TAFA4: variants seen among roughly 807,000 people sequenced by gnomAD.
The protein encoded by TAFA4 is chemokine-like protein TAFA-4.
In TAFA4, 20 loss-of-function variants were observed where a neutral mutation model predicts 21.1. The observed-to-expected ratio is 0.95, with a 90% confidence interval of 0.67 to 1.38. The LOEUF is 1.38. Among genes scored for constraint, TAFA4 ranks in the 40% most tolerant of loss-of-function variants. The probability of loss-of-function intolerance (pLI) is 0.00; values close to 1 mark genes in which losing one functional copy is unlikely to be tolerated. For synonymous variants in TAFA4, 71 were observed against 67.4 expected (o/e 1.05, Z -0.26); for missense variants, 211 against 180.9 (o/e 1.17, Z -0.95).
At chr3:68,928,999 AG>A (rs962468548) in intron 1 of TAFA4, among the ~76,000 whole-genome samples, 15 of 151,582 alleles carry the variant, frequency 9.9e-5, no homozygotes, top group Non-Finnish European at 1.8e-4. Context: ...AAAAAAAAAA[AG>A]AGCCCTTTTG....
intron 5 of TAFA4, among the ~76,000 whole-genome samples, chr3:68,735,299 A>G (rs1405671997): frequency 6.6e-6 from 1 of 152,172 alleles, no homozygotes; most frequent in African/African-American, 2.4e-5. Context: ...ATTTTGCATC[A>G]GTTTCCAATG....
chr3:68,907,443 C>T (rs1299678368), intron 1 of TAFA4, among the ~76,000 whole-genome samples: 1 of 152,104 alleles, frequency 6.6e-6, no homozygotes, highest in Non-Finnish European at 1.5e-5. Flanking sequence ...GCAGAAAATG[C>T]AAAGAGCTAC....
chr3:68,880,707 C>A, intron 3 of TAFA4, 23 bp downstream of exon 3: 1 of 1,596,568 alleles, frequency 6.3e-7, no homozygotes, highest in Non-Finnish European at 8.6e-7. Context: ...CTCAGCAGTG[C>A]ATAATGAGCT....
chr3:68,907,299 C>G (rs931776655), intron 1 of TAFA4, among the ~76,000 whole-genome samples: 5 of 152,152 alleles, frequency 3.3e-5, no homozygotes, highest in African/African-American at 1.2e-4. Context: ...CTGTCATTCT[C>G]AGTAGAATAG....
chr3:68,846,621 C>G (rs1704805521), intron 3 of TAFA4, among the ~76,000 whole-genome samples: 1 of 152,108 alleles, frequency 6.6e-6, no homozygotes, highest in Non-Finnish European at 1.5e-5. Context: ...AATTTTCAGC[C>G]TTTTTGCACT....
At chr3:68,830,922 G>C (rs1205735424) in intron 3 of TAFA4, among the ~76,000 whole-genome samples, 1 of 152,164 alleles carries the variant, frequency 6.6e-6, no homozygotes, top group Non-Finnish European at 1.5e-5. Context: ...TTGTTGAATA[G>C]ATCCCTTTAC....
At chr3:68,746,330 C>A (rs991279982) in intron 4 of TAFA4, among the ~76,000 whole-genome samples, 3 of 150,622 alleles carry the variant, frequency 2.0e-5, no homozygotes, top group African/African-American at 5.0e-5. Context: ...ATATATACAT[C>A]TATCTCATAT....
At chr3:68,823,491 T>C (rs1391107836) in intron 3 of TAFA4, among the ~76,000 whole-genome samples, 1 of 152,176 alleles carries the variant, frequency 6.6e-6, no homozygotes, top group Non-Finnish European at 1.5e-5. Context: ...GACATACAGG[T>C]TTGTTACATA....
intron 3 of TAFA4, among the ~76,000 whole-genome samples, chr3:68,822,412 G>A (rs1305814400): frequency 6.6e-6 from 1 of 152,086 alleles, no homozygotes; most frequent in East Asian, 1.9e-4. Context: ...CAAGAAATTT[G>A]ACTTATCCAC....
At chr3:68,746,054 C>G (rs187679838) in intron 4 of TAFA4, among the ~76,000 whole-genome samples, 132 of 152,290 alleles carry the variant, frequency 8.7e-4, no homozygotes, top group Admixed American at 2.3e-3. Flanking sequence ...AGGAGCAGAT[C>G]TTTCTCCCGT....
In TAFA4 at chr3:68,872,598, G is replaced by A. The variant is rs182753121; in HGVS notation, c.130+8132C>T. 1.3e-3 allele frequency among the ~76,000 whole-genome samples: 194 copies of A among 152,142 alleles called. 2 individuals are homozygous for A. Among genetic ancestry groups the A allele is most frequent in the African/African-American group, 4.6e-3 (189 of 41,534 alleles). On this transcript the variant is annotated intron_variant, in intron 3 of 5. Coordinates refer to ENST00000295569, the MANE Select transcript of TAFA4 (RefSeq NM_182522.5). ...GAAAGGGTGAATGTTTGGGGTGATC[G>A]ATGTTGCAACTGTCCTGGTTTGATC...
At chr3:68,820,613 C>A (rs1559532532) in intron 3 of TAFA4, among the ~76,000 whole-genome samples, 1 of 152,056 alleles carries the variant, frequency 6.6e-6, no homozygotes, top group Non-Finnish European at 1.5e-5. Context: ...CTGCAGTGAG[C>A]CATGATAGCA....
At chr3:68,828,800 A>G (rs747278658) in intron 3 of TAFA4, among the ~76,000 whole-genome samples, 3 of 152,140 alleles carry the variant, frequency 2.0e-5, no homozygotes, top group Non-Finnish European at 4.4e-5. Context: ...GGTTTTCTAA[A>G]TATACAATCG....
chr3:68,823,736 G>C (rs1227524350), intron 3 of TAFA4, among the ~76,000 whole-genome samples: 3 of 152,114 alleles, frequency 2.0e-5, no homozygotes, highest in Non-Finnish European at 4.4e-5. Flanking sequence ...GTTTGCTGAG[G>C]ATAATGGCTT....
intron 2 of TAFA4, 119 bp downstream of exon 2, chr3:68,885,056 C>G: frequency 1.1e-6 from 1 of 922,146 alleles, no homozygotes; most frequent in South Asian, 1.8e-5. Context: ...CCCCAAATTC[C>G]CAAAAAGTGT....
intron 2 of TAFA4, among the ~76,000 whole-genome samples, chr3:68,884,829 C>T (rs941205686): frequency 1.3e-5 from 2 of 152,190 alleles, no homozygotes; most frequent in Admixed American, 6.5e-5. Flanking sequence ...CAATAAGTTC[C>T]CTGTCTCTAA....
intron 3 of TAFA4, among the ~76,000 whole-genome samples, chr3:68,862,253 T>G (rs556665533): frequency 6.6e-6 from 1 of 152,160 alleles, no homozygotes; most frequent in South Asian, 2.1e-4. Context: ...TATGCCATGG[T>G]GAAACCTATG....
At position 68,930,361 on chromosome 3, in the gene TAFA4, T is replaced by C. The variant is rs17321; in HGVS notation, c.-123+1879A>G. Among the ~76,000 whole-genome samples, 818 of 152,306 alleles carry C rather than the reference T, an allele frequency of 5.4e-3. 10 individuals carry two copies. Among genetic ancestry groups the C allele is most frequent in the African/African-American group, 0.018 (763 of 41,568 alleles). ...TAATACAATTAAAGTCATTCAAAGA[T>C]AGAGAAATTGGCAGCCACTGCTTTT... On this transcript the variant is annotated intron_variant, in intron 1 of 5. Transcript: ENST00000295569.
intron 3 of TAFA4, among the ~76,000 whole-genome samples, chr3:68,824,497 G>A (rs372599297): frequency 2.4e-4 from 36 of 152,188 alleles, no homozygotes; most frequent in African/African-American, 8.4e-4. Context: ...TCATGTAAAA[G>A]GACCTTGGTG....
Sources: allele counts gnomAD v4.1 joint callset (sites outside exome capture counted in the v4.1 genomes callset), GRCh38; gene constraint gnomAD v4.1.1; transcripts MANE v1.5; gene names NCBI Gene and HGNC (gene_info 2026-07-23, HGNC 2026-07-21).